Variants in ECE1 observed in about 807,000 individuals in gnomAD.
The protein encoded by ECE1 is endothelin-converting enzyme 1.
In ECE1, 35 loss-of-function variants were observed where a neutral mutation model predicts 98.6. That is an observed-to-expected ratio of 0.35 (90% CI 0.27 to 0.47). The LOEUF (loss-of-function observed/expected upper bound fraction) is 0.47, where lower values mean the gene tolerates loss of function less well. ECE1 is among the 20% of genes least tolerant of loss of function. ECE1 has a pLI of 1.00. For synonymous variants in ECE1, 394 were observed against 407.1 expected (o/e 0.97, Z 0.39); for missense variants, 814 against 1,025.3 (o/e 0.79, Z 2.81).
chr1:21,293,480 A>G (rs1341559250), upstream of ECE1: 1 of 152,128 alleles, frequency 6.6e-6, no homozygotes, highest in Non-Finnish European at 1.5e-5. Context: ...TGTTTGAGCA[A>G]AGGCGGGAGG....
Position 21,274,265 on chromosome 1 carries a change from T to C in ECE1, c.281-1354A>G, listed in dbSNP as rs565002857. Among the ~76,000 whole-genome samples the C allele has an allele frequency of 2.0e-5, 3 of 152,336 alleles. No homozygotes were observed. In the East Asian group the frequency reaches 5.8e-4, roughly 29 times the overall value. On this transcript the variant is annotated intron_variant, in intron 3 of 18. Coordinates refer to ENST00000374893, the MANE Select transcript of ECE1 (RefSeq NM_001397.3). ...CAGCCATGCCAAGGCTGTGTTTTTC[T>C]GCTTTCCTTCCCCACCTCTCTGCCA...
chr1:21,249,642 A>G (rs2098209566), intron 8 of ECE1, among the ~76,000 whole-genome samples: 1 of 152,134 alleles, frequency 6.6e-6, no homozygotes, highest in South Asian at 2.1e-4. Flanking sequence ...AAATCACACC[A>G]CTACACTTCA....
intron 1 of ECE1, among the ~76,000 whole-genome samples, chr1:21,326,033 TA>T (rs1410179771): frequency 9.2e-5 from 14 of 152,150 alleles, no homozygotes; most frequent in Non-Finnish European, 2.1e-4. Flanking sequence ...TGACTTGTCC[TA>T]AAATGGCCTC....
chr1:21,280,916 C>T (rs903316834), intron 2 of ECE1, among the ~76,000 whole-genome samples: 4 of 152,088 alleles, frequency 2.6e-5, no homozygotes, highest in Non-Finnish European at 1.5e-5. Context: ...GGGCCGGGCA[C>T]GGCGGCTCAT....
At chr1:21,333,781 C>T (rs920058743) in intron 1 of ECE1, among the ~76,000 whole-genome samples, 2 of 152,032 alleles carry the variant, frequency 1.3e-5, no homozygotes, top group Non-Finnish European at 2.9e-5. Flanking sequence ...TTGTAGTGAG[C>T]TGAGATCGTG....
intron 1 of ECE1, chr1:21,298,727 A>G (rs1638423307): frequency 2.2e-6 from 1 of 456,164 alleles, no homozygotes; most frequent in African/African-American, 2.0e-5. Flanking sequence ...CACATCTGGT[A>G]AACAGCAAAG....
At chr1:21,282,409 G>A (rs7541467) in intron 2 of ECE1, among the ~76,000 whole-genome samples, 4 of 149,902 alleles carry the variant, frequency 2.7e-5, no homozygotes, top group African/African-American at 4.9e-5. Flanking sequence ...CCAACATGGT[G>A]AAACCCTGTC....
rs1052854737 is a variant in ECE1, at chr1:21,235,243, A to G, written c.1566+607T>C. Among the ~76,000 whole-genome samples the G allele has an allele frequency of 1.3e-5, 2 of 152,218 alleles. No homozygotes were observed. The highest frequency in any genetic ancestry group is 2.9e-5 in the Non-Finnish European group (2 of 68,034). On this transcript the variant is annotated intron_variant, in intron 13 of 18. Transcript: ENST00000374893. This position sits in a 1 kb window ranked among gnomAD's most constrained non-coding sequence, Gnocchi z 4.2. ...TTTGAGGCAGAAGCACAATCCACCT[A>G]ACTGAGTGATTTGCCAAAAGTTCTA...
chr1:21,294,983 T>C (rs1638311045), upstream of ECE1, among the ~76,000 whole-genome samples: 1 of 152,308 alleles, frequency 6.6e-6, no homozygotes, highest in African/African-American at 2.4e-5. This position sits in a 1 kb window ranked among gnomAD's most constrained non-coding sequence, Gnocchi z 4.2. Flanking sequence ...TAAAACACAC[T>C]CATATTATCT....
chr1:21,308,327 A>C (rs917634416), intron 1 of ECE1, among the ~76,000 whole-genome samples: 1 of 151,966 alleles, frequency 6.6e-6, no homozygotes, highest in African/African-American at 2.4e-5. Flanking sequence ...CGGAAGTCTT[A>C]CCCTCCAGCC....
At chr1:21,264,913 A>G (rs939533097) in intron 4 of ECE1, among the ~76,000 whole-genome samples, 1 of 152,018 alleles carries the variant, frequency 6.6e-6, no homozygotes, top group African/African-American at 2.4e-5. Context: ...CCTTAACTCA[A>G]GCATCTGCTC....
At chr1:21,244,950 G>A (rs368802781) in intron 10 of ECE1, 39 bp downstream of exon 10, 96 of 1,583,248 alleles carry the variant, frequency 6.1e-5, no homozygotes, top group South Asian at 5.1e-4. Flanking sequence ...TAAAGTAGGC[G>A]CTCAGCCCAT....
intron 1 of ECE1, among the ~76,000 whole-genome samples, chr1:21,296,956 G>A (rs996955588): frequency 6.6e-6 from 1 of 152,174 alleles, no homozygotes; most frequent in Non-Finnish European, 1.5e-5. Context: ...AGGGGCTGGG[G>A]AGGCCTCAAG....
intron 3 of ECE1, among the ~76,000 whole-genome samples, chr1:21,273,384 G>C (rs1419971546): frequency 1.5e-5 from 2 of 132,844 alleles, no homozygotes; most frequent in Non-Finnish European, 3.3e-5. Context: ...TGTGTGTGTA[G>C]GGTACTGGGG....
In ECE1 at chr1:21,279,171, T is replaced by C; in HGVS notation, c.280+20A>G. The stretch of plus-strand genomic sequence containing the variant: ...GTGCAGGAGTGAGTCAAGCCCACCA[T>C]GCAACACGAAGGCACCTACTTGTCT... On this transcript the variant is annotated intron_variant, in intron 3 of 18. Transcript: ENST00000374893. The C allele has an allele frequency of 6.2e-7, 1 of 1,614,066 alleles. No homozygotes were observed. The highest frequency in any genetic ancestry group is 8.5e-7 in the Non-Finnish European group (1 of 1,180,018).
intron 10 of ECE1, among the ~76,000 whole-genome samples, chr1:21,240,014 T>C (rs1329114789): frequency 6.6e-6 from 1 of 151,306 alleles, no homozygotes; most frequent in Non-Finnish European, 1.5e-5. Flanking sequence ...CTACCAAAAA[T>C]ACAAAAATTA....
At chr1:21,285,437 C>T (rs2098259412) in intron 2 of ECE1, among the ~76,000 whole-genome samples, 1 of 152,150 alleles carries the variant, frequency 6.6e-6, no homozygotes, top group African/African-American at 2.4e-5. Flanking sequence ...AACCTCAAGG[C>T]TATATAATAG....
rs759015158 is a variant in ECE1 at position 21,238,146 on chromosome 1, G to A, written c.1377C>T (p.Asp459=). The A allele has an allele frequency of 3.1e-6, 5 of 1,614,212 alleles. No individual in the cohort carries two copies. The highest frequency in any genetic ancestry group is 4.2e-6 in the Non-Finnish European group (5 of 1,180,012). ...PMFVKATFAE[D]SKSIATEIIL... The stretch of plus-strand genomic sequence containing the variant: ...GGAAGGCACTTACTATGCTCTTGCT[G>A]TCCTCGGCGAAGGTTGCTTTGACAA... The change falls in exon 11 of 19, where the codon GAC becomes GAT. Residue 459 remains aspartate, a synonymous_variant. Coordinates refer to ENST00000374893, the MANE Select transcript of ECE1 (RefSeq NM_001397.3).
chr1:21,271,693 G>A (rs1002252979), intron 4 of ECE1, among the ~76,000 whole-genome samples: 9 of 152,022 alleles, frequency 5.9e-5, no homozygotes, highest in Admixed American at 3.3e-4. Flanking sequence ...GTGGGCAGAC[G>A]GGAATCCAAC....
Sources: gnomAD v4.1 joint callset for allele counts (sites outside exome capture counted in the v4.1 genomes callset) on GRCh38, gnomAD v4.1.1 for gene constraint, Gnocchi (gnomAD v3.1) non-coding constraint, MANE v1.5 for transcripts, NCBI Gene and HGNC (gene_info 2026-07-23, HGNC 2026-07-21) for gene names.